UBE2K: variants seen among roughly 807,000 people sequenced by gnomAD.
UBE2K encodes ubiquitin conjugating enzyme E2 K, also known as ubiquitin-conjugating enzyme E2 K.
A neutral mutation model predicts 30.0 loss-of-function variants in UBE2K; 6 were observed. That is an observed-to-expected ratio of 0.20 (90% CI 0.11 to 0.39). The LOEUF (loss-of-function observed/expected upper bound fraction) is 0.39, where lower values mean the gene tolerates loss of function less well. Ranked by LOEUF, UBE2K falls within the 10% of genes least tolerant of loss-of-function variation. UBE2K has a pLI of 1.00. For synonymous variants in UBE2K, 86 were observed against 83.7 expected, an observed-to-expected ratio of 1.03 and a Z score of -0.15; for missense variants, 61 against 241.6, an observed-to-expected ratio of 0.25 and a Z score of 4.96.
At chr4:39,760,195 G>GAAAAAAAAAAAAAAAA (rs71194914) in intron 4 of UBE2K, among the ~76,000 whole-genome samples, 1 of 102,584 alleles carries the variant, frequency 9.7e-6, no homozygotes. Flanking sequence ...AAAAAAAACA[G>GAAAAAAAAAAAAAAAA]AAAAAAAAAA....
rs977511214 is a variant in UBE2K, at chr4:39,771,376, C to A, written c.300-3458C>A. 14 of 1,612,624 alleles carry A rather than the reference C, an allele frequency of 8.7e-6. No individual in the cohort carries two copies. The African/African-American group carries it at 1.6e-4, about 18-fold the overall frequency. ...CTCTGCCCGGAGCTTGTTCATGTTC[C>A]GTAGCGTAGCGGCCTAGTGGCCGGG... On this transcript the variant is annotated intron_variant, in intron 4 of 6. Transcript: ENST00000261427.
Position 39,706,768 on chromosome 4 carries a change from A to G in UBE2K, c.63+8378A>G, listed in dbSNP as rs143318960. ...ACTCTTATTTCCCAGTGAATACATT[A>G]TTAACAGTTACCGAACATGTTGACC... On this transcript the variant is annotated intron_variant, in intron 1 of 6. Coordinates refer to ENST00000261427, the MANE Select transcript of UBE2K (RefSeq NM_005339.5). Among the ~76,000 whole-genome samples, 629 of 152,156 alleles carry G rather than the reference A, an allele frequency of 4.1e-3. 8 individuals carry two copies. Among genetic ancestry groups the G allele is most frequent in the Non-Finnish European group, 6.7e-3 (453 of 67,956 alleles).
intron 1 of UBE2K, chr4:39,714,550 A>ATATATATTTTTTTTTTTTTTTTTT: frequency 5.6e-5 from 1 of 17,852 alleles, no homozygotes; most frequent in Non-Finnish European, 8.7e-5. Context: ...ATATATATAT[A>ATATATATTTTTTTTTTTTTTTTTT]TTTTTTTTTT....
intron 2 of UBE2K, among the ~76,000 whole-genome samples, chr4:39,739,193 A>G (rs1720539033): frequency 6.6e-6 from 1 of 151,122 alleles, no homozygotes; most frequent in African/African-American, 2.4e-5. Context: ...ATGCCCGGCT[A>G]ATTTTTTTTG....
chr4:39,772,279 G>A (rs1436457522), intron 4 of UBE2K, among the ~76,000 whole-genome samples: 1 of 151,780 alleles, frequency 6.6e-6, no homozygotes, highest in Non-Finnish European at 1.5e-5. Flanking sequence ...AGAGTAATTG[G>A]CTAGTTGTCG....
chr4:39,729,291 A>G (rs576105875), intron 1 of UBE2K, among the ~76,000 whole-genome samples: 1 of 152,032 alleles, frequency 6.6e-6, no homozygotes, highest in East Asian at 1.9e-4. Flanking sequence ...TTCTGACTGT[A>G]TCTTCAGATC....
At chr4:39,752,293 C>T (rs934240581) in intron 3 of UBE2K, among the ~76,000 whole-genome samples, 4 of 149,574 alleles carry the variant, frequency 2.7e-5, no homozygotes, top group South Asian at 2.1e-4. Flanking sequence ...TACAGGCGCC[C>T]GCCATCACGC....
rs986484664 is a variant in UBE2K at position 39,780,363 on chromosome 4, T to A, written c.*1929T>A. The A allele has an allele frequency of 6.6e-6, 1 of 152,154 alleles. No individual in the cohort carries two copies. Among genetic ancestry groups the A allele is most frequent in the African/African-American group, 2.4e-5 (1 of 41,456 alleles). The allele number at this position is 152,154 out of a possible 1,614,324, so 9.4% of individuals were successfully genotyped here. ...TTAGTAGAATTTGGGTTTAAAAATA[T>A]CAGACACATCTACCCAGTTTATTTT... On this transcript the variant is annotated 3_prime_UTR_variant, in exon 7 of 7. Transcript: ENST00000261427.
intron 3 of UBE2K, among the ~76,000 whole-genome samples, chr4:39,749,154 G>A (rs1427334252): frequency 6.6e-6 from 1 of 152,170 alleles, no homozygotes; most frequent in Non-Finnish European, 1.5e-5. Flanking sequence ...GTCACAGAAT[G>A]TTTTGTGTTT....
chr4:39,740,368 A>G (rs1247556555), intron 2 of UBE2K, among the ~76,000 whole-genome samples: 1 of 152,094 alleles, frequency 6.6e-6, no homozygotes, highest in Admixed American at 6.6e-5. Flanking sequence ...ACTTATATAC[A>G]TTAAGATATA....
intron 1 of UBE2K, among the ~76,000 whole-genome samples, chr4:39,714,770 C>T (rs572865574): frequency 2.0e-5 from 3 of 150,764 alleles, no homozygotes; most frequent in South Asian, 4.2e-4. Context: ...AGGATGGTCT[C>T]GATCTCCTGA....
rs1294788948 is a variant in UBE2K, at chr4:39,712,131, CT to C, written c.63+13751del. Among the ~76,000 whole-genome samples the C allele has an allele frequency of 5.7e-3, 822 of 143,546 alleles. 6 individuals carry two copies. Among genetic ancestry groups the C allele is most frequent in the African/African-American group, 0.019 (760 of 39,324 alleles). The allele number at this position is 143,546 out of a possible 152,430, so 94.2% of individuals were successfully genotyped here. ...ACGTAGTTACTTGAAACCGCCCCCC[CT>C]TTTTTTTTTGGAGATGGAGTCTCAC... On this transcript the variant is annotated intron_variant, in intron 1 of 6. Coordinates refer to ENST00000261427, the MANE Select transcript of UBE2K (RefSeq NM_005339.5).
At chr4:39,712,529 A>G (rs1718765153) in intron 1 of UBE2K, among the ~76,000 whole-genome samples, 1 of 151,842 alleles carries the variant, frequency 6.6e-6, no homozygotes, top group South Asian at 2.1e-4. Flanking sequence ...TCCTGTGTTC[A>G]AGCAATTCTC....
chr4:39,742,613 G>GC (rs1340814998), intron 2 of UBE2K, among the ~76,000 whole-genome samples: 1 of 152,026 alleles, frequency 6.6e-6, no homozygotes, highest in Non-Finnish European at 1.5e-5. Flanking sequence ...ATGGTGGCGC[G>GC]CACCTGTAGT....
Position 39,779,042 on chromosome 4 carries a change from A to ACCCCCCCCCCCC in UBE2K, c.*616_*617insCCCCCCCCCCCC, listed in dbSNP as rs3839130. ...TGGGACAGTGTCTGATTCCCCCTTC[A>ACCCCCCCCCCCC]CCCCCCCCACCCCCGCCTTGCCACA... is the stretch of plus-strand genomic sequence containing the variant. On this transcript the variant is annotated 3_prime_UTR_variant, in exon 7 of 7. Coordinates refer to ENST00000261427, the MANE Select transcript of UBE2K (RefSeq NM_005339.5). The ACCCCCCCCCCCC allele has an allele frequency of 7.6e-4, 97 of 128,268 alleles. No homozygotes were observed. Among genetic ancestry groups the ACCCCCCCCCCCC allele is most frequent in the Non-Finnish European group, 9.6e-4 (60 of 62,666 alleles). The allele number at this position is 128,268 out of a possible 1,614,324, so 7.9% of individuals were successfully genotyped here.
At chr4:39,714,600 G>A (rs1204051357) in intron 1 of UBE2K, 1 of 125,744 alleles carries the variant, frequency 8.0e-6, no homozygotes, top group East Asian at 2.5e-4. Flanking sequence ...AGGCTGGAAT[G>A]CAGTGGCGTG....
At chr4:39,734,167 G>A (rs12505675) in intron 1 of UBE2K, among the ~76,000 whole-genome samples, 45,512 of 147,870 alleles carry the variant, frequency 0.31, 8,463 homozygotes, top group Admixed American at 0.48. Flanking sequence ...GTGCAATGGC[G>A]AAATCTCGGC....
At chr4:39,772,095 C>A (rs146182700) in intron 4 of UBE2K, among the ~76,000 whole-genome samples, 70 of 152,252 alleles carry the variant, frequency 4.6e-4, no homozygotes, top group African/African-American at 1.7e-3. Flanking sequence ...CCTCGGCCTT[C>A]CTAAATGCTG....
chr4:39,754,924 C>A (rs1036605308), intron 3 of UBE2K, among the ~76,000 whole-genome samples: 9 of 152,170 alleles, frequency 5.9e-5, no homozygotes, highest in African/African-American at 2.2e-4. Flanking sequence ...TCCAAAAGTT[C>A]ATGAGTAAGA....
Sources: allele counts gnomAD v4.1 joint callset (sites outside exome capture counted in the v4.1 genomes callset), GRCh38; gene constraint gnomAD v4.1.1; transcripts MANE v1.5; gene names NCBI Gene and HGNC (gene_info 2026-07-23, HGNC 2026-07-21).